NIM1K: variants seen among roughly 807,000 people sequenced by gnomAD.
The protein encoded by NIM1K is NIM1 serine/threonine protein kinase.
Under a neutral mutation model 37.1 loss-of-function variants are expected in NIM1K, and 35 were observed. That is an observed-to-expected ratio of 0.94 (90% CI 0.72 to 1.25). The LOEUF is 1.25. Ranked by LOEUF, NIM1K falls within the 50% of genes most tolerant of loss-of-function variation. NIM1K has a pLI of 0.00. For synonymous variants in NIM1K, 234 were observed against 206.6 expected (o/e 1.13, Z -1.14); for missense variants, 564 against 548.0 (o/e 1.03, Z -0.29).
chr5:43,212,510 C>G (rs918676638), intron 1 of NIM1K, among the ~76,000 whole-genome samples: 1 of 151,606 alleles, frequency 6.6e-6, no homozygotes, highest in Non-Finnish European at 1.5e-5. Flanking sequence ...TCAGCACCGT[C>G]GTCATGAGGC....
rs1213750832 is a variant in NIM1K, at chr5:43,261,714, G to A, written c.293-15343G>A. On this transcript the variant is annotated intron_variant, in intron 2 of 3. Coordinates refer to ENST00000326035, the MANE Select transcript of NIM1K (RefSeq NM_153361.4). The stretch of plus-strand genomic sequence containing the variant: ...CTATGTCCTGAATGGTATTGCCTAG[G>A]TTTTCTTCTAGGGTTTTTATAGTTT... Among the ~76,000 whole-genome samples, 7 of 152,158 alleles carry A rather than the reference G, an allele frequency of 4.6e-5. No individual in the cohort carries two copies. The East Asian group carries it at 1.3e-3, about 29-fold the overall frequency.
intron 1 of NIM1K, chr5:43,233,323 A>C (rs890079874): frequency 4.6e-6 from 2 of 438,974 alleles, no homozygotes; most frequent in Non-Finnish European, 7.8e-6. Context: ...AAAAAAAAAA[A>C]AAAACTTAAC....
chr5:43,200,839 A>G (rs1267992788), intron 1 of NIM1K, among the ~76,000 whole-genome samples: 2 of 152,124 alleles, frequency 1.3e-5, no homozygotes. Context: ...AAAATATGCA[A>G]AAGTGGCTGG....
chr5:43,232,380 TG>T (rs1360443530), intron 1 of NIM1K: 48 of 1,388,086 alleles, frequency 3.5e-5, no homozygotes, highest in African/African-American at 1.4e-5. Flanking sequence ...CGGAAGTGGA[TG>T]GGGGGATAGG....
intron 1 of NIM1K, among the ~76,000 whole-genome samples, chr5:43,233,442 A>G (rs1752571704): frequency 6.6e-6 from 1 of 152,222 alleles, no homozygotes; most frequent in East Asian, 1.9e-4. Flanking sequence ...ATCACTTACC[A>G]GGTATGAGAG....
chr5:43,239,435 T>A (rs145450042), intron 1 of NIM1K, among the ~76,000 whole-genome samples: 2 of 151,960 alleles, frequency 1.3e-5, no homozygotes, highest in Non-Finnish European at 2.9e-5. Flanking sequence ...AGTCTGGGTT[T>A]CACTATGTTG....
rs140592628 is a variant in NIM1K, at chr5:43,271,593, A to G, written c.293-5464A>G. Among the ~76,000 whole-genome samples, 211 of 152,354 alleles carry G rather than the reference A, an allele frequency of 1.4e-3. 1 individual carries two copies. Among genetic ancestry groups the G allele is most frequent in the African/African-American group, 4.9e-3 (202 of 41,586 alleles). ...ACATGTACCATTTACCCAGTTTCAC[A>G]CAAACTTGCATCTTGCAAAACTATA... On this transcript the variant is annotated intron_variant, in intron 2 of 3. Transcript: ENST00000326035.
Position 43,280,251 on chromosome 5 carries a change from A to G in NIM1K, c.833A>G (p.Lys278Arg), listed in dbSNP as rs1056229775. Reference protein sequence around the residue: ...TMPFRAETVAKLKKSILEGTY... With the variant: ...TMPFRAETVARLKKSILEGTY... The stretch of plus-strand genomic sequence containing the variant: ...CCATTTCGGGCAGAAACCGTGGCCA[A>G]ACTAAAAAAGAGCATCCTCGAGGGC... The change falls in exon 4 of 4, where the codon AAA becomes AGA. Residue 278 changes from lysine to arginine, a missense_variant. Lys to Arg is a conservative substitution (Grantham distance 26). Transcript: ENST00000326035. 1 of 1,614,134 alleles carries G rather than the reference A, an allele frequency of 6.2e-7. No homozygotes were observed. Among genetic ancestry groups the G allele is most frequent in the Non-Finnish European group, 8.5e-7 (1 of 1,180,032 alleles).
chr5:43,249,780 G>A (rs1002993930), intron 2 of NIM1K, among the ~76,000 whole-genome samples: 10 of 152,110 alleles, frequency 6.6e-5, no homozygotes, highest in African/African-American at 2.4e-4. Flanking sequence ...CTGTGGAGAA[G>A]GGTGATGAGC....
At chr5:43,234,477 G>A (rs759313200) in intron 1 of NIM1K, among the ~76,000 whole-genome samples, 34 of 152,028 alleles carry the variant, frequency 2.2e-4, no homozygotes, top group Non-Finnish European at 4.1e-4. Context: ...CCCAGCTCAT[G>A]GCTAATCTTG....
chr5:43,196,844 C>T (rs1195426468), intron 1 of NIM1K, among the ~76,000 whole-genome samples: 1 of 151,678 alleles, frequency 6.6e-6, no homozygotes, highest in Non-Finnish European at 1.5e-5. Flanking sequence ...GTGATCATGG[C>T]TCACTGCAGC....
intron 2 of NIM1K, among the ~76,000 whole-genome samples, chr5:43,253,701 C>T (rs946013902): frequency 1.3e-5 from 2 of 151,728 alleles, no homozygotes; most frequent in African/African-American, 4.8e-5. Flanking sequence ...GCCCTGTCAC[C>T]CAGCCTGGAG....
At chr5:43,228,062 A>C (rs995008698) in intron 1 of NIM1K, among the ~76,000 whole-genome samples, 1 of 152,060 alleles carries the variant, frequency 6.6e-6, no homozygotes, top group African/African-American at 2.4e-5. Flanking sequence ...AATTTGGGGG[A>C]ATCTCCCTCA....
At chr5:43,236,564 A>G (rs1210187539) in intron 1 of NIM1K, among the ~76,000 whole-genome samples, 2 of 152,282 alleles carry the variant, frequency 1.3e-5, no homozygotes, top group African/African-American at 4.8e-5. Flanking sequence ...GCATTCTGGC[A>G]TGGCTGCCCT....
chr5:43,275,896 A>ATTTT (rs35301860), intron 2 of NIM1K, among the ~76,000 whole-genome samples: 1 of 134,602 alleles, frequency 7.4e-6, no homozygotes, highest in Non-Finnish European at 1.6e-5. Context: ...AAATTGAGTA[A>ATTTT]TTTTTTTTTT....
intron 2 of NIM1K, among the ~76,000 whole-genome samples, chr5:43,253,231 T>C (rs1041006164): frequency 6.8e-6 from 1 of 146,714 alleles, no homozygotes; most frequent in African/African-American, 2.5e-5. Flanking sequence ...TGTGTGTGTG[T>C]GTGTGTGTGT....
chr5:43,269,623 A>C (rs1322684192), intron 2 of NIM1K, among the ~76,000 whole-genome samples: 1 of 150,496 alleles, frequency 6.6e-6, no homozygotes, highest in Admixed American at 6.6e-5. Context: ...TTATTTTTTT[A>C]TTTTAATTTT....
intron 2 of NIM1K, among the ~76,000 whole-genome samples, chr5:43,255,874 A>T (rs928367229): frequency 2.0e-5 from 3 of 151,630 alleles, no homozygotes; most frequent in African/African-American, 7.3e-5. Context: ...ACTGAAAGAA[A>T]TGAGGGAAAT....
chr5:43,269,172 A>G lies in NIM1K; in HGVS notation c.293-7885A>G, dbSNP rs1264157585. 4.9e-3 allele frequency among the ~76,000 whole-genome samples: 6 copies of G among 1,226 alleles called. No homozygotes were observed. In the Non-Finnish European group the frequency reaches 0.19, roughly 38 times the overall value. 0.8% of individuals were successfully genotyped at this position (1,226 alleles called of 152,430 possible). A position where few individuals can be genotyped will look rare whatever the true frequency, so the allele number is the denominator to read the frequency against. On this transcript the variant is annotated intron_variant, in intron 2 of 3. Coordinates refer to ENST00000326035, the MANE Select transcript of NIM1K (RefSeq NM_153361.4). ...AAATTTACAAAAACATTAGCCAGGC[A>G]TGGTGGGGGCACCTGTAATCCCAGC...
Sources: allele counts gnomAD v4.1 joint callset (sites outside exome capture counted in the v4.1 genomes callset), GRCh38; gene constraint gnomAD v4.1.1; transcripts MANE v1.5; gene names NCBI Gene and HGNC (gene_info 2026-07-23, HGNC 2026-07-21).